The following RXFP1 variants were observed in gnomAD, a reference collection of about 807,000 sequenced individuals.
The protein encoded by RXFP1 is relaxin receptor 1.
RXFP1 carries 73 observed loss-of-function variants against 89.8 expected under a neutral mutation model. The ratio of observed to expected loss-of-function variants is 0.81; its 90% CI spans 0.67 to 0.99. The LOEUF (loss-of-function observed/expected upper bound fraction) is 0.99, where lower values mean the gene tolerates loss of function less well. Among genes scored for constraint, RXFP1 ranks in the 50% least tolerant of loss-of-function variants. The probability of loss-of-function intolerance (pLI) is 0.00; values close to 1 mark genes in which losing one functional copy is unlikely to be tolerated. For missense variants in RXFP1, 793 were observed against 895.5 expected, an observed-to-expected ratio of 0.89 and a Z score of 1.46; for synonymous variants, 277 against 305.5, an observed-to-expected ratio of 0.91 and a Z score of 0.97.
intron 1 of RXFP1, among the ~76,000 whole-genome samples, chr4:158,567,996 C>T (rs986200055): frequency 1.3e-5 from 2 of 152,204 alleles, no homozygotes; most frequent in African/African-American, 2.4e-5. Flanking sequence ...TAACACTCAC[C>T]TCTAAGGTAT....
At chr4:158,545,345 A>G (rs1247932051) in intron 1 of RXFP1, among the ~76,000 whole-genome samples, 7 of 152,146 alleles carry the variant, frequency 4.6e-5, no homozygotes, top group Admixed American at 3.3e-4. Context: ...GATTCTGGAT[A>G]TTAGCCCTTT....
intron 1 of RXFP1, among the ~76,000 whole-genome samples, chr4:158,548,252 A>G (rs1749071373): frequency 1.3e-5 from 2 of 152,200 alleles, no homozygotes; most frequent in East Asian, 3.9e-4. Flanking sequence ...AGTCTGTTTT[A>G]TCAGAGACTA....
chr4:158,596,583 C>A (rs74320245), intron 3 of RXFP1, among the ~76,000 whole-genome samples: 3,748 of 152,246 alleles, frequency 0.025, 62 homozygotes, highest in South Asian at 0.065. Context: ...TTAATTGAAT[C>A]TTTTAATACC....
chr4:158,581,159 G>A (rs1335363254), intron 2 of RXFP1, among the ~76,000 whole-genome samples: 1 of 152,134 alleles, frequency 6.6e-6, no homozygotes, highest in African/African-American at 2.4e-5. Context: ...AATAAGAGTT[G>A]TAATAATAAA....
intron 2 of RXFP1, among the ~76,000 whole-genome samples, chr4:158,587,890 G>A (rs763830223): frequency 2.0e-5 from 3 of 152,060 alleles, no homozygotes; most frequent in Non-Finnish European, 2.9e-5. Flanking sequence ...TTCTTTCAGG[G>A]CTAAATGCTA....
chr4:158,617,702 A>T (rs1358579971), intron 9 of RXFP1, among the ~76,000 whole-genome samples: 1 of 152,164 alleles, frequency 6.6e-6, no homozygotes, highest in Non-Finnish European at 1.5e-5. Context: ...TCCACCATTT[A>T]GAACTCAACC....
intron 1 of RXFP1, among the ~76,000 whole-genome samples, chr4:158,528,567 C>A (rs1350388920): frequency 6.6e-6 from 1 of 152,130 alleles, no homozygotes; most frequent in African/African-American, 2.4e-5. Context: ...CTATTAATAT[C>A]TCCTCTCCAG....
chr4:158,599,214 T>C, intron 3 of RXFP1, 112 bp from the exon 4 acceptor site: 1 of 1,528,872 alleles, frequency 6.5e-7, no homozygotes, highest in African/African-American at 1.4e-5. Context: ...TAGCACATGA[T>C]ATGCTTTTGT....
At chr4:158,591,454 A>G (rs1326158455) in intron 2 of RXFP1, among the ~76,000 whole-genome samples, 1 of 152,058 alleles carries the variant, frequency 6.6e-6, no homozygotes, top group African/African-American at 2.4e-5. Context: ...ATGGCCTTCT[A>G]GAGTCCCATA....
At chr4:158,571,441 C>T (rs1454938798) in intron 1 of RXFP1, among the ~76,000 whole-genome samples, 7 of 152,070 alleles carry the variant, frequency 4.6e-5, no homozygotes, top group South Asian at 2.1e-4. Context: ...CCGAGATGGG[C>T]GGATCACCTG....
intron 2 of RXFP1, among the ~76,000 whole-genome samples, chr4:158,574,323 C>G (rs1755769756): frequency 6.6e-6 from 1 of 152,022 alleles, no homozygotes; most frequent in Non-Finnish European, 1.5e-5. Context: ...TTTAAGAAAC[C>G]ACCTTGAAGG....
intron 6 of RXFP1, among the ~76,000 whole-genome samples, chr4:158,610,254 G>A (rs111697469): frequency 0.036 from 5,499 of 152,160 alleles, 307 homozygotes; most frequent in African/African-American, 0.12. Flanking sequence ...ATCAGAGTGA[G>A]ACTCCATCTC....
At chr4:158,577,289 G>A (rs1234028877) in intron 2 of RXFP1, among the ~76,000 whole-genome samples, 3 of 151,942 alleles carry the variant, frequency 2.0e-5, no homozygotes, top group African/African-American at 4.8e-5. Flanking sequence ...CACCAGCCTC[G>A]GCCTCCTAAA....
chr4:158,593,482 C>G lies in RXFP1; in HGVS notation c.269C>G (p.Ala90Gly). Residue 90 changes from alanine to glycine, a missense_variant, in exon 3 of 18, where the codon GCA (alanine) becomes GGA (glycine). Transcript: ENST00000307765. ...ATGACTTCCCAATATCCTTTTGAGG[C>G]AGAAACACCTGAATGTTGTAAGTAA... ...YKMTSQYPFE[A>G]ETPECLVGSV... 1 of 1,600,300 alleles carries G rather than the reference C, an allele frequency of 6.2e-7. No individual in the cohort carries two copies. The highest frequency in any genetic ancestry group is 1.1e-5 in the South Asian group (1 of 90,458).
chr4:158,602,868 C>T (rs1761946995), intron 4 of RXFP1, among the ~76,000 whole-genome samples: 2 of 152,172 alleles, frequency 1.3e-5, no homozygotes, highest in African/African-American at 2.4e-5. Flanking sequence ...ATTCTCAGAA[C>T]ACATTTTTAA....
rs758208587 is a variant in RXFP1 at position 158,646,857 on chromosome 4, A to C, written c.1412A>C (p.Glu471Ala). 1 of 1,614,116 alleles carries C rather than the reference A, an allele frequency of 6.2e-7. No individual in the cohort carries two copies. Among genetic ancestry groups the C allele is most frequent in the Non-Finnish European group, 8.5e-7 (1 of 1,180,000 alleles). ...IGGFDLKFRG[E>A]YNKHAQLWME... is the part of the protein sequence containing the mutation. ...GGCTTTGACCTAAAGTTTCGTGGAG[A>C]ATACAATAAGCATGCGCAGCTGTGG... is the stretch of plus-strand genomic sequence containing the variant. Residue 471 changes from glutamate to alanine, a missense_variant, in exon 16 of 18, where the codon GAA (glutamate) becomes GCA (alanine). Glu to Ala is a moderately radical substitution (Grantham distance 107, BLOSUM62 -1). Transcript: ENST00000307765.
At chr4:158,641,207 T>C (rs2150240484) in intron 14 of RXFP1, among the ~76,000 whole-genome samples, 1 of 152,314 alleles carries the variant, frequency 6.6e-6, no homozygotes, top group South Asian at 2.1e-4. Flanking sequence ...ACAGAATTTA[T>C]TGGAAGAAAA....
At chr4:158,609,210 C>A (rs1763097971) in intron 6 of RXFP1, among the ~76,000 whole-genome samples, 2 of 152,138 alleles carry the variant, frequency 1.3e-5, no homozygotes, top group East Asian at 3.8e-4. Context: ...GAGGGACTGT[C>A]ATTTGATTTG....
chr4:158,576,381 C>G (rs1756205360), intron 2 of RXFP1, among the ~76,000 whole-genome samples: 2 of 151,448 alleles, frequency 1.3e-5, no homozygotes, highest in Non-Finnish European at 2.9e-5. Context: ...GGCAACATGG[C>G]AAAAACCTGT....
Sources: allele counts gnomAD v4.1 joint callset (sites outside exome capture counted in the v4.1 genomes callset), GRCh38; gene constraint gnomAD v4.1.1; transcripts MANE v1.5; gene names NCBI Gene and HGNC (gene_info 2026-07-23, HGNC 2026-07-21).